MALRD1: variants seen among roughly 807,000 people sequenced by gnomAD.
The protein encoded by MALRD1 is MAM and LDL-receptor class A domain-containing protein 1.
MALRD1 carries 247 observed loss-of-function variants against 242.1 expected under a neutral mutation model. That is an observed-to-expected ratio of 1.02 (90% CI 0.92 to 1.13). The LOEUF (loss-of-function observed/expected upper bound fraction) is 1.13. Among genes scored for constraint, MALRD1 ranks in the 50% most tolerant of loss-of-function variants. The probability of loss-of-function intolerance (pLI) is 0.00; values close to 1 mark genes in which losing one functional copy is unlikely to be tolerated. For synonymous variants in MALRD1, 995 were observed against 866.6 expected (o/e 1.15, Z -2.60); for missense variants, 2,989 against 2,533.1 (o/e 1.18, Z -3.86).
intron 36 of MALRD1, among the ~76,000 whole-genome samples, chr10:19,665,067 C>G (rs895034499): frequency 1.3e-5 from 2 of 152,008 alleles, no homozygotes; most frequent in Admixed American, 6.6e-5. Flanking sequence ...TTAACTAGGG[C>G]TCTGCAAATT....
chr10:19,599,069 T>C (rs12770750), intron 34 of MALRD1, among the ~76,000 whole-genome samples: 77,583 of 151,450 alleles, frequency 0.51, 19,942 homozygotes, highest in Non-Finnish European at 0.53. Flanking sequence ...CATTCTTTTT[T>C]AAGAGCAAAT....
chr10:19,439,631 A>T (rs1834521678), intron 28 of MALRD1, among the ~76,000 whole-genome samples: 1 of 152,186 alleles, frequency 6.6e-6, no homozygotes, highest in African/African-American at 2.4e-5. Flanking sequence ...AGTGCAGTAC[A>T]TTAGCTATAC....
At chr10:19,288,858 T>C (rs1470141928) in intron 21 of MALRD1, among the ~76,000 whole-genome samples, 1 of 152,066 alleles carries the variant, frequency 6.6e-6, no homozygotes, top group Non-Finnish European at 1.5e-5. Flanking sequence ...AAACTAATGG[T>C]GTCTCTGCTG....
chr10:19,290,469 A>G (rs774259919), intron 21 of MALRD1: 4 of 152,218 alleles, frequency 2.6e-5, no homozygotes, highest in Non-Finnish European at 4.4e-5. Flanking sequence ...GCTCTCAACT[A>G]TAATGCAATG....
At chr10:19,283,247 G>A in intron 21 of MALRD1, 66 bp downstream of exon 21, 4 of 1,300,186 alleles carry the variant, frequency 3.1e-6, no homozygotes, top group South Asian at 4.4e-5. Flanking sequence ...CCAAATTTCT[G>A]CCCCCACCAC....
At chr10:19,361,698 A>G (rs1192976849) in intron 26 of MALRD1, among the ~76,000 whole-genome samples, 1 of 152,082 alleles carries the variant, frequency 6.6e-6, no homozygotes, top group East Asian at 1.9e-4. Context: ...TGGAGAGCCA[A>G]TTCTGGGAGC....
At chr10:19,703,906 A>G (rs149771191) in intron 38 of MALRD1, among the ~76,000 whole-genome samples, 3 of 152,232 alleles carry the variant, frequency 2.0e-5, no homozygotes, top group African/African-American at 4.8e-5. Context: ...AAAACAAATA[A>G]ATAAATAAAA....
At chr10:19,376,313 G>C (rs190633166) in intron 26 of MALRD1, among the ~76,000 whole-genome samples, 93 of 152,152 alleles carry the variant, frequency 6.1e-4, no homozygotes, top group African/African-American at 2.0e-3. Context: ...TTAATAAGAT[G>C]GTTAAGTTGT....
chr10:19,227,371 T>A (rs1395390466), intron 18 of MALRD1, among the ~76,000 whole-genome samples: 1 of 152,064 alleles, frequency 6.6e-6, no homozygotes, highest in African/African-American at 2.4e-5. Context: ...AATAATTCAA[T>A]AAGGAAATCA....
chr10:19,306,475 G>A (rs574453555), intron 21 of MALRD1, among the ~76,000 whole-genome samples: 2 of 138,008 alleles, frequency 1.4e-5, no homozygotes, highest in African/African-American at 2.7e-5. Flanking sequence ...TATGTACCGT[G>A]TATAGTATAT....
At chr10:19,579,655 T>C (rs1162898864) in intron 33 of MALRD1, among the ~76,000 whole-genome samples, 1 of 152,120 alleles carries the variant, frequency 6.6e-6, no homozygotes, top group East Asian at 1.9e-4. Flanking sequence ...CCTCTGTAAT[T>C]TTAGGGTTTT....
intron 21 of MALRD1, among the ~76,000 whole-genome samples, chr10:19,294,859 A>G (rs546373493): frequency 6.6e-6 from 1 of 152,288 alleles, no homozygotes; most frequent in East Asian, 1.9e-4. Flanking sequence ...AAGAAAGACA[A>G]TACATTAACC....
intron 8 of MALRD1, among the ~76,000 whole-genome samples, chr10:19,131,433 T>C (rs1285613137): frequency 6.6e-6 from 1 of 152,144 alleles, no homozygotes; most frequent in East Asian, 1.9e-4. Flanking sequence ...GTAGCAATTA[T>C]AGTTTGTACC....
chr10:19,720,013 T>C (rs1443162296), intron 38 of MALRD1, among the ~76,000 whole-genome samples: 2 of 152,196 alleles, frequency 1.3e-5, no homozygotes, highest in Admixed American at 6.5e-5. Flanking sequence ...ACTCAACTTA[T>C]TTCTTCTATT....
chr10:19,230,244 C>G (rs900101400), intron 18 of MALRD1, among the ~76,000 whole-genome samples: 2 of 152,074 alleles, frequency 1.3e-5, no homozygotes, highest in Admixed American at 6.6e-5. Flanking sequence ...TCAACTAATA[C>G]ACTGTCCATG....
chr10:19,248,184 A>G (rs1225812363), intron 18 of MALRD1, among the ~76,000 whole-genome samples: 1 of 152,078 alleles, frequency 6.6e-6, no homozygotes, highest in Non-Finnish European at 1.5e-5. Context: ...TAGGGATTCA[A>G]AGTACTACAT....
At chr10:19,125,800 A>G (rs905049153) in intron 7 of MALRD1, among the ~76,000 whole-genome samples, 2 of 151,976 alleles carry the variant, frequency 1.3e-5, no homozygotes, top group Admixed American at 6.6e-5. Flanking sequence ...TTTAAAGTCA[A>G]TATCTTGTTA....
At chr10:19,530,365 A>AAATATTATATAAATATAT (rs1564417011) in intron 31 of MALRD1, among the ~76,000 whole-genome samples, 3 of 105,088 alleles carry the variant, frequency 2.9e-5, no homozygotes, top group Non-Finnish European at 5.0e-5. Flanking sequence ...ATATTTATAT[A>AAATATTATATAAATATAT]AATATTTATA....
intron 18 of MALRD1, among the ~76,000 whole-genome samples, chr10:19,211,976 G>A (rs571969811): frequency 2.6e-5 from 4 of 152,260 alleles, no homozygotes; most frequent in African/African-American, 7.2e-5. Flanking sequence ...GTACATGTAA[G>A]TATACAGGAA....
Sources: gnomAD v4.1 joint callset for allele counts (sites outside exome capture counted in the v4.1 genomes callset) on GRCh38, gnomAD v4.1.1 for gene constraint, MANE v1.5 for transcripts, NCBI Gene and HGNC (gene_info 2026-07-23, HGNC 2026-07-21) for gene names.